PRKAR2A: variants seen among roughly 807,000 people sequenced by gnomAD.
PRKAR2A encodes the protein cAMP-dependent protein kinase type II-alpha regulatory subunit.
A neutral mutation model predicts 51.9 loss-of-function variants in PRKAR2A; 29 were observed. That is an observed-to-expected ratio of 0.56 (90% CI 0.42 to 0.76). PRKAR2A has a LOEUF of 0.76. Among genes scored for constraint, PRKAR2A ranks in the 30% least tolerant of loss-of-function variants. PRKAR2A has a pLI of 0.00. For missense variants in PRKAR2A, 445 were observed against 512.1 expected (o/e 0.87, Z 1.26); for synonymous variants, 178 against 186.2 (o/e 0.96, Z 0.36).
chr3:48,790,428 A>T, intron 4 of PRKAR2A, 116 bp downstream of exon 4: 1 of 616,882 alleles, frequency 1.6e-6, no homozygotes, highest in Non-Finnish European at 2.7e-6. Context: ...AGATGAATCT[A>T]AGGTTTTATG....
chr3:48,795,727 G>C (rs1030131856), intron 2 of PRKAR2A, among the ~76,000 whole-genome samples: 2 of 152,064 alleles, frequency 1.3e-5, no homozygotes, highest in Non-Finnish European at 2.9e-5. Context: ...AGTAGAGATG[G>C]AGTTTCACCA....
At position 48,794,629 on chromosome 3, in the gene PRKAR2A, A is replaced by T. The variant is rs2082459080; in HGVS notation, c.299-580T>A. ...AGAAGCGCTTGAACTTGGGAGACGGAGGTTGCAGTGAGCCGAGATCATGCC... is the reference window on the plus strand; with the variant it reads ...AGAAGCGCTTGAACTTGGGAGACGGTGGTTGCAGTGAGCCGAGATCATGCC... On this transcript the variant is annotated intron_variant, in intron 2 of 10. Coordinates refer to ENST00000265563, the MANE Select transcript of PRKAR2A (RefSeq NM_004157.4). Among the ~76,000 whole-genome samples the T allele has an allele frequency of 5.3e-5, 8 of 151,842 alleles. No homozygotes were observed. The South Asian group carries it at 1.5e-3, about 28-fold the overall frequency.
At chr3:48,811,400 G>C (rs192183237) in intron 1 of PRKAR2A, among the ~76,000 whole-genome samples, 1 of 152,134 alleles carries the variant, frequency 6.6e-6, no homozygotes, top group Non-Finnish European at 1.5e-5. Flanking sequence ...GCTTGAGCCT[G>C]GGAGGTCAAG....
chr3:48,811,563 T>A (rs2082770852), intron 1 of PRKAR2A, among the ~76,000 whole-genome samples: 1 of 152,088 alleles, frequency 6.6e-6, no homozygotes, highest in African/African-American at 2.4e-5. Flanking sequence ...CACAAAAAAA[T>A]CACATATTGT....
In PRKAR2A at chr3:48,847,303, C is replaced by A; in HGVS notation, c.262+32G>T. 2 of 1,610,706 alleles carry A rather than the reference C, an allele frequency of 1.2e-6. No homozygotes were observed. The highest frequency in any genetic ancestry group is 2.2e-5 in the South Asian group (2 of 90,602). On this transcript the variant is annotated intron_variant, in intron 1 of 10. Transcript: ENST00000265563. The surrounding 1 kb of genome is among the most constrained non-coding windows in gnomAD (Gnocchi z 4.4). ...CCTCTAGACCTCTGGAGACCTCCTG[C>A]ACCACTCCCCAGGGCCCCGCCCACA...
chr3:48,750,771 A>T lies in PRKAR2A; in HGVS notation c.*814T>A, dbSNP rs963874382. The T allele has an allele frequency of 2.6e-5, 4 of 153,172 alleles. No homozygotes were observed. The highest frequency in any genetic ancestry group is 7.2e-5 in the African/African-American group (3 of 41,446). 9.5% of individuals were successfully genotyped at this position (153,172 alleles called of 1,614,324 possible). On this transcript the variant is annotated 3_prime_UTR_variant, in exon 11 of 11. Coordinates refer to ENST00000265563, the MANE Select transcript of PRKAR2A (RefSeq NM_004157.4). ...TATAAATGTATAGCAATTCATTCAT[A>T]CAAACTGCACAGAGGTTAAACAAAA... is the stretch of plus-strand genomic sequence containing the variant.
At chr3:48,780,261 A>T (rs754991859) in intron 5 of PRKAR2A, among the ~76,000 whole-genome samples, 1 of 152,122 alleles carries the variant, frequency 6.6e-6, no homozygotes, top group Non-Finnish European at 1.5e-5. Flanking sequence ...TTCTCTGAGA[A>T]GATATTATTT....
intron 8 of PRKAR2A, among the ~76,000 whole-genome samples, chr3:48,757,292 G>A (rs1206078942): frequency 1.3e-4 from 20 of 152,210 alleles, no homozygotes; most frequent in Admixed American, 1.3e-3. Context: ...CATTTAAAGT[G>A]GTCACATTTC....
At chr3:48,772,910 G>A in intron 6 of PRKAR2A, 45 bp downstream of exon 6, 5 of 1,580,538 alleles carry the variant, frequency 3.2e-6, no homozygotes, top group Admixed American at 1.8e-5. Context: ...CACAGAAAGG[G>A]AATTAATACT....
chr3:48,792,033 T>C (rs1486871911), intron 3 of PRKAR2A, among the ~76,000 whole-genome samples: 3 of 152,002 alleles, frequency 2.0e-5, no homozygotes, highest in Non-Finnish European at 2.9e-5. Context: ...AATTACATGA[T>C]TTTTACATTC....
chr3:48,843,339 T>C (rs527626127), intron 1 of PRKAR2A, among the ~76,000 whole-genome samples: 244 of 152,272 alleles, frequency 1.6e-3, no homozygotes, highest in African/African-American at 5.6e-3. Context: ...ATCAATTTTG[T>C]TGATCCTTTC....
chr3:48,796,561 C>G (rs2082494230), intron 2 of PRKAR2A, among the ~76,000 whole-genome samples: 1 of 152,026 alleles, frequency 6.6e-6, no homozygotes, highest in Non-Finnish European at 1.5e-5. Flanking sequence ...GTGGTGTAAT[C>G]TTGGCTCACT....
At chr3:48,842,309 T>TG (rs1433743512) in intron 1 of PRKAR2A, among the ~76,000 whole-genome samples, 1 of 152,200 alleles carries the variant, frequency 6.6e-6, no homozygotes, top group Non-Finnish European at 1.5e-5. Flanking sequence ...TAAGGAGATT[T>TG]GGGGCTGAGA....
At position 48,783,034 on chromosome 3, in the gene PRKAR2A, T is replaced by C; in HGVS notation, c.494A>G (p.His165Arg). The C allele has an allele frequency of 1.9e-6, 3 of 1,614,026 alleles. No individual in the cohort carries two copies. Among genetic ancestry groups the C allele is most frequent in the Non-Finnish European group, 2.5e-6 (3 of 1,179,976 alleles). ...TCCATCATCTCCTTGGTCAATGACA[T>C]GCTCATCAGCTTTGACTATCCTTTC... ...MFERIVKADE[H>R]VIDQGDDGDN... Residue 165 changes from histidine (H) to arginine (R), a missense_variant, in exon 5 of 11, where the codon CAT becomes CGT. Physicochemically the swap from His to Arg is conservative, Grantham distance 29. Transcript: ENST00000265563.
intron 6 of PRKAR2A, among the ~76,000 whole-genome samples, chr3:48,767,390 A>C (rs897969392): frequency 2.6e-5 from 4 of 152,106 alleles, no homozygotes; most frequent in Non-Finnish European, 4.4e-5. Flanking sequence ...GAGACAGGAG[A>C]ATCACTTGAA....
At chr3:48,834,301 T>C (rs1246442711) in intron 1 of PRKAR2A, among the ~76,000 whole-genome samples, 1 of 152,024 alleles carries the variant, frequency 6.6e-6, no homozygotes, top group Non-Finnish European at 1.5e-5. Context: ...GTAGCTCTCC[T>C]GTGAGGTAGA....
chr3:48,799,973 C>T lies in PRKAR2A; in HGVS notation c.299-5924G>A, dbSNP rs368279270. 1.2e-4 allele frequency among the ~76,000 whole-genome samples: 18 copies of T among 152,100 alleles called. No homozygotes were observed. The East Asian group carries it at 2.5e-3, about 22-fold the overall frequency. Reference sequence around the variant, plus strand: ...CTCCCAGGTTCAAGCAATTCTCCTGCCTCAGCCTCCCGAGTAGCTGGGATT... The same window carrying T: ...CTCCCAGGTTCAAGCAATTCTCCTGTCTCAGCCTCCCGAGTAGCTGGGATT... On this transcript the variant is annotated intron_variant, in intron 2 of 10. Coordinates refer to ENST00000265563, the MANE Select transcript of PRKAR2A (RefSeq NM_004157.4).
chr3:48,757,688 T>C (rs1039610017), intron 8 of PRKAR2A, among the ~76,000 whole-genome samples: 1 of 152,104 alleles, frequency 6.6e-6, no homozygotes, highest in Non-Finnish European at 1.5e-5. Context: ...TTTGGGAGGC[T>C]GAGGGGGGTG....
intron 2 of PRKAR2A, among the ~76,000 whole-genome samples, chr3:48,794,421 A>AGCC (rs774515421): frequency 1.7e-3 from 252 of 152,088 alleles, no homozygotes; most frequent in Non-Finnish European, 2.4e-3. Context: ...CTGATGTATA[A>AGCC]TATAAATGCT....
Sources: gnomAD v4.1 joint callset for allele counts (sites outside exome capture counted in the v4.1 genomes callset) on GRCh38, gnomAD v4.1.1 for gene constraint, Gnocchi (gnomAD v3.1) non-coding constraint, MANE v1.5 for transcripts, NCBI Gene and HGNC (gene_info 2026-07-23, HGNC 2026-07-21) for gene names.